ABR: variants seen among roughly 807,000 people sequenced by gnomAD.
ABR encodes the protein active breakpoint cluster region-related protein.
In ABR, 35 loss-of-function variants were observed where a neutral mutation model predicts 107.2. That is an observed-to-expected ratio of 0.33 (90% CI 0.25 to 0.43). ABR has a LOEUF of 0.43. Ranked by LOEUF, ABR falls within the 20% of genes least tolerant of loss-of-function variation. The pLI is 1.00. For synonymous variants in ABR, 498 were observed against 462.0 expected (o/e 1.08, Z -1.00); for missense variants, 815 against 1,115.2 (o/e 0.73, Z 3.83).
chr17:1,022,945 G>A (rs1047213555), intron 16 of ABR, among the ~76,000 whole-genome samples: 6 of 152,240 alleles, frequency 3.9e-5, no homozygotes, highest in African/African-American at 4.8e-5. Context: ...CTTAGCACCC[G>A]CAGCAACCTG....
intron 1 of ABR, among the ~76,000 whole-genome samples, chr17:1,222,729 T>C (rs1047301662): frequency 6.6e-6 from 1 of 152,138 alleles, no homozygotes; most frequent in African/African-American, 2.4e-5. Context: ...CTGGGGAACA[T>C]AGTGAGACCC....
In ABR at chr17:1,078,372, T is replaced by C. The variant is rs2586240; in HGVS notation, c.700+958A>G. On this transcript the variant is annotated intron_variant, in intron 6 of 22. Coordinates refer to ENST00000302538, the MANE Select transcript of ABR (RefSeq NM_021962.5). The surrounding 1 kb of genome is among the most constrained non-coding windows in gnomAD (Gnocchi z 7.5). ...CAAAGAAACTCCCAACTTCTCCCTC[T>C]GGCTCGCGCTGGCACCCTCTCGGCT... 0.58 allele frequency among the ~76,000 whole-genome samples: 87,608 copies of C among 151,938 alleles called. 25,823 individuals carry two copies. Among genetic ancestry groups the C allele is most frequent in the South Asian group, 0.69 (3,334 of 4,808 alleles).
intron 1 of ABR, among the ~76,000 whole-genome samples, chr17:1,220,640 C>T (rs960884252): frequency 6.6e-6 from 1 of 152,194 alleles, no homozygotes; most frequent in Admixed American, 6.6e-5. Context: ...CCTGTGACTA[C>T]AACACAGCCC....
At chr17:1,031,541 GA>G in intron 16 of ABR, 2 of 50,206 alleles carry the variant, frequency 4.0e-5, no homozygotes, top group Non-Finnish European at 7.9e-5. Context: ...GCAGCCCCCC[GA>G]GCCCCGCAGC....
In ABR at chr17:1,084,991, G is replaced by A. The variant is rs888631436; in HGVS notation, c.532-1364C>T. ...CTAATCTTGTATTTTTAGTAGAGAC[G>A]GCGTTTCTCCATATTGGTCAGGCTG... On this transcript the variant is annotated intron_variant, in intron 4 of 22. Coordinates refer to ENST00000302538, the MANE Select transcript of ABR (RefSeq NM_021962.5). This position sits in a 1 kb window ranked among gnomAD's most constrained non-coding sequence, Gnocchi z 4.2. 6.6e-6 allele frequency among the ~76,000 whole-genome samples: 1 copy of A among 150,556 alleles called. No homozygotes were observed. The highest frequency in any genetic ancestry group is 2.5e-5 in the African/African-American group (1 of 40,802).
chr17:1,220,088 G>T (rs112476378), intron 1 of ABR, among the ~76,000 whole-genome samples: 24,200 of 151,238 alleles, frequency 0.16, 2,468 homozygotes, highest in Non-Finnish European at 0.22. Flanking sequence ...TCAGGAGATC[G>T]ACACCAGCCT....
intron 2 of ABR, among the ~76,000 whole-genome samples, chr17:1,110,039 C>T (rs2038573390): frequency 1.4e-5 from 2 of 145,420 alleles, no homozygotes; most frequent in Non-Finnish European, 1.5e-5. Context: ...GAGACCAGCA[C>T]CCCCACCTCC....
chr17:1,031,758 C>T (rs937662067), intron 16 of ABR: 20 of 1,234,882 alleles, frequency 1.6e-5, no homozygotes, highest in African/African-American at 7.8e-5. Flanking sequence ...GGGGACGGGA[C>T]GCGGCGCTGG....
intron 2 of ABR, among the ~76,000 whole-genome samples, chr17:1,102,713 A>G (rs2037979067): frequency 6.6e-6 from 1 of 152,102 alleles, no homozygotes; most frequent in Non-Finnish European, 1.5e-5. Context: ...CTATTTATTT[A>G]TGTATTTACT....
At chr17:1,145,355 C>T (rs1440129120) in intron 1 of ABR, among the ~76,000 whole-genome samples, 2 of 152,228 alleles carry the variant, frequency 1.3e-5, no homozygotes, top group Non-Finnish European at 2.9e-5. Flanking sequence ...CAGCTTCAGC[C>T]TACTTCCTGC....
rs988992710 is a variant in ABR, at chr17:1,148,781, C to T, written c.62-23414G>A. Reference sequence around the variant, plus strand: ...TCTCAGTTTAGCCAGGTGAGAGTTCCGGAGATGACGGTGCTGATGGCCGCA... The same window carrying T: ...TCTCAGTTTAGCCAGGTGAGAGTTCTGGAGATGACGGTGCTGATGGCCGCA... On this transcript the variant is annotated intron_variant, in intron 1 of 22. Transcript: ENST00000302538. This position sits in a 1 kb window ranked among gnomAD's most constrained non-coding sequence, Gnocchi z 4.9. Among the ~76,000 whole-genome samples the T allele has an allele frequency of 3.9e-5, 6 of 152,224 alleles. No homozygotes were observed. The highest frequency in any genetic ancestry group is 3.3e-4 in the Admixed American group (5 of 15,278).
chr17:1,038,500 C>T (rs1007766552), intron 16 of ABR, among the ~76,000 whole-genome samples: 1 of 152,178 alleles, frequency 6.6e-6, no homozygotes, highest in African/African-American at 2.4e-5. Flanking sequence ...GGTCATCTTG[C>T]GTCTCCAGCC....
At chr17:1,223,736 G>A (rs1055099347) in intron 1 of ABR, among the ~76,000 whole-genome samples, 4 of 152,124 alleles carry the variant, frequency 2.6e-5, no homozygotes, top group South Asian at 4.2e-4. Flanking sequence ...GGAAGGCAAA[G>A]GAAAAGCAAC....
chr17:1,190,999 T>C (rs970599832), upstream of ABR, among the ~76,000 whole-genome samples: 1 of 152,168 alleles, frequency 6.6e-6, no homozygotes, highest in Non-Finnish European at 1.5e-5. Context: ...AGACAGGGCT[T>C]GGGCACGACT....
intron 7 of ABR, 109 bp from the exon 8 acceptor site, chr17:1,072,863 T>G: frequency 7.3e-7 from 1 of 1,362,858 alleles, no homozygotes; most frequent in Non-Finnish European, 9.8e-7. Context: ...GGGACCTGCC[T>G]AATTCCCGCA....
At chr17:1,171,572 G>A (rs545252050) in intron 1 of ABR, among the ~76,000 whole-genome samples, 9 of 152,234 alleles carry the variant, frequency 5.9e-5, no homozygotes, top group Admixed American at 3.9e-4. Context: ...GCCCAATCAC[G>A]TGTGCCATGT....
chr17:1,010,346 A>T lies in ABR; in HGVS notation c.2236+383T>A. 3.9e-6 allele frequency: 1 copy of T among 254,560 alleles called. No individual in the cohort carries two copies. The highest frequency in any genetic ancestry group is 5.8e-5 in the South Asian group (1 of 17,112). The allele number at this position is 254,560 out of a possible 1,614,324, so 15.8% of individuals were successfully genotyped here. A position where few individuals can be genotyped will look rare whatever the true frequency, so the allele number is the denominator to read the frequency against. ...GGTGTGTGGTCCCGCTGGAAGGCTC[A>T]GCACAACCCATCTCGAGTGCCCTAT... On this transcript the variant is annotated intron_variant, in intron 20 of 22. Coordinates refer to ENST00000302538, the MANE Select transcript of ABR (RefSeq NM_021962.5). The surrounding 1 kb of genome is among the most constrained non-coding windows in gnomAD (Gnocchi z 4.1).
chr17:1,153,053 C>T (rs1390602538), intron 1 of ABR, among the ~76,000 whole-genome samples: 1 of 152,158 alleles, frequency 6.6e-6, no homozygotes, highest in Middle Eastern at 3.2e-3. Flanking sequence ...GCCTGAGCAA[C>T]AAGAGTGAAA....
Position 1,073,612 on chromosome 17 carries a change from G to C in ABR, c.753+13C>G. On this transcript the variant is annotated intron_variant, in intron 7 of 22. Coordinates refer to ENST00000302538, the MANE Select transcript of ABR (RefSeq NM_021962.5). The stretch of plus-strand genomic sequence containing the variant: ...CTAAGCCCTCTCTGGCCATTCGGAG[G>C]CTTGACACTCACGTGTAGGACTAGG... 1 of 1,570,722 alleles carries C rather than the reference G, an allele frequency of 6.4e-7. No homozygotes were observed. The highest frequency in any genetic ancestry group is 2.3e-5 in the East Asian group (1 of 43,910).
Sources: gnomAD v4.1 joint callset for allele counts (sites outside exome capture counted in the v4.1 genomes callset) on GRCh38, gnomAD v4.1.1 for gene constraint, Gnocchi (gnomAD v3.1) non-coding constraint, MANE v1.5 for transcripts, NCBI Gene and HGNC (gene_info 2026-07-23, HGNC 2026-07-21) for gene names.